EMX1: variants seen among roughly 807,000 people sequenced by gnomAD.
EMX1 encodes the protein homeobox protein EMX1.
EMX1 carries 10 observed loss-of-function variants against 20.1 expected under a neutral mutation model. The ratio of observed to expected loss-of-function variants is 0.50; its 90% CI spans 0.31 to 0.84. EMX1 has a LOEUF of 0.84. Ranked by LOEUF, EMX1 falls within the 40% of genes least tolerant of loss-of-function variation. EMX1 has a pLI of 0.05. For missense variants in EMX1, 424 were observed against 431.9 expected, an observed-to-expected ratio of 0.98 and a Z score of 0.16; for synonymous variants, 250 against 200.4, an observed-to-expected ratio of 1.25 and a Z score of -2.09.
At position 72,934,201 on chromosome 2, in the gene EMX1, G is replaced by A. The variant is rs372544617; in HGVS notation, c.*247G>A. The A allele has an allele frequency of 3.3e-5, 17 of 522,340 alleles. No individual in the cohort carries two copies. The highest frequency in any genetic ancestry group is 1.7e-4 in the African/African-American group (9 of 51,792). 32.4% of individuals were successfully genotyped at this position (522,340 alleles called of 1,614,324 possible). On this transcript the variant is annotated 3_prime_UTR_variant, in exon 3 of 3. Transcript: ENST00000258106. ...TGCCTGGGCGGGCCCGCCCGCCACC[G>A]CAGCCTCCCAGCTGCTCTCCGTGTC...
intron 2 of EMX1, chr2:72,933,409 T>A (rs577194875): frequency 1.1e-4 from 22 of 208,736 alleles, no homozygotes; most frequent in African/African-American, 5.1e-4. Context: ...AAGAAGCGAT[T>A]ATGATCTCTC....
chr2:72,926,033 T>C (rs886733428), intron 2 of EMX1: 1 of 985,324 alleles, frequency 1.0e-6, no homozygotes, highest in African/African-American at 1.7e-5. Context: ...AAATTATTGT[T>C]TGAAACAAGG....
intron 2 of EMX1, among the ~76,000 whole-genome samples, chr2:72,931,623 G>C (rs1671287435): frequency 6.6e-6 from 1 of 152,244 alleles, no homozygotes; most frequent in South Asian, 2.1e-4. Flanking sequence ...CCCAAAGATA[G>C]GTGGGCTTGG....
chr2:72,924,205 G>A (rs1236752280), intron 1 of EMX1, 104 bp from the exon 2 acceptor site: 7 of 1,406,812 alleles, frequency 5.0e-6, no homozygotes, highest in Admixed American at 4.0e-5. Context: ...AGGGCAGGGC[G>A]CTTGGGAGCA....
At chr2:72,924,966 C>T (rs1671170009) in intron 2 of EMX1, among the ~76,000 whole-genome samples, 1 of 152,234 alleles carries the variant, frequency 6.6e-6, no homozygotes, top group South Asian at 2.1e-4. Flanking sequence ...GCAAAACTGG[C>T]GGGGCCTTGG....
intron 2 of EMX1, chr2:72,925,662 C>G: frequency 8.6e-7 from 1 of 1,164,202 alleles, no homozygotes; most frequent in African/African-American, 1.6e-5. Context: ...TGAGAAGATG[C>G]CCGGCATGGG....
chr2:72,916,939 C>T (rs1220394819), upstream of EMX1: 2 of 717,244 alleles, frequency 2.8e-6, no homozygotes, highest in Non-Finnish European at 2.6e-6. Context: ...CGCAGTGCCC[C>T]GCCTGGCCCC....
chr2:72,929,695 C>T (rs993560568), intron 2 of EMX1, among the ~76,000 whole-genome samples: 1 of 152,202 alleles, frequency 6.6e-6, no homozygotes, highest in East Asian at 1.9e-4. Context: ...ATCCAGACCT[C>T]GTTCATTCAG....
intron 2 of EMX1, among the ~76,000 whole-genome samples, chr2:72,928,924 C>T (rs961748515): frequency 6.6e-6 from 1 of 152,034 alleles, no homozygotes; most frequent in African/African-American, 2.4e-5. Context: ...TTGAGGCAGG[C>T]AGATGAAGAT....
Position 72,930,067 on chromosome 2 carries a change from T to C in EMX1, c.706-3720T>C, listed in dbSNP as rs993424726. Among the ~76,000 whole-genome samples the C allele has an allele frequency of 2.0e-5, 3 of 152,236 alleles. No individual in the cohort carries two copies. The highest frequency in any genetic ancestry group is 2.9e-5 in the Non-Finnish European group (2 of 68,042). On this transcript the variant is annotated intron_variant, in intron 2 of 2. Coordinates refer to ENST00000258106, the MANE Select transcript of EMX1 (RefSeq NM_004097.3). The surrounding 1 kb of genome is among the most constrained non-coding windows in gnomAD (Gnocchi z 4.4). Reference sequence around the variant, plus strand: ...CAGTTTCTCCATCATTGAGCACTTCTCAAAGCCTTTGCTGATTAGAATTCT... The same window carrying C: ...CAGTTTCTCCATCATTGAGCACTTCCCAAAGCCTTTGCTGATTAGAATTCT...
intron 1 of EMX1, among the ~76,000 whole-genome samples, chr2:72,922,544 C>T (rs1437607833): frequency 1.3e-5 from 2 of 152,326 alleles, no homozygotes; most frequent in South Asian, 4.1e-4. Context: ...TTTGTGGCTG[C>T]ACAGATCCAA....
Position 72,924,351 on chromosome 2 carries a change from T to A in EMX1, c.563T>A (p.Phe188Tyr). The A allele has an allele frequency of 6.3e-7, 1 of 1,584,864 alleles. No individual in the cohort carries two copies. Among genetic ancestry groups the A allele is most frequent in the Non-Finnish European group, 8.5e-7 (1 of 1,172,050 alleles). ...GACGGGCTGCTTCTGCACGGCCCCTTCGCACGCAAGCCCAAGCGGATCCGC... is the reference window on the plus strand; with the variant it reads ...GACGGGCTGCTTCTGCACGGCCCCTACGCACGCAAGCCCAAGCGGATCCGC... ...PQDGLLLHGP[F>Y]ARKPKRIRTA... Residue 188 changes from phenylalanine (F) to tyrosine (Y), a missense_variant, in exon 2 of 3, where the codon TTC becomes TAC. Transcript: ENST00000258106.
At chr2:72,931,293 C>T (rs1671275922) in intron 2 of EMX1, among the ~76,000 whole-genome samples, 1 of 152,242 alleles carries the variant, frequency 6.6e-6, no homozygotes, top group Non-Finnish European at 1.5e-5. Flanking sequence ...GGGCCCGTCC[C>T]ACTACAGGCC....
intron 2 of EMX1, among the ~76,000 whole-genome samples, chr2:72,928,048 C>T (rs991883395): frequency 6.6e-6 from 1 of 152,246 alleles, no homozygotes; most frequent in Non-Finnish European, 1.5e-5. Flanking sequence ...GAAGTCTGTG[C>T]ACTCCCCAAG....
chr2:72,931,287 C>T (rs1160170477), intron 2 of EMX1, among the ~76,000 whole-genome samples: 1 of 152,206 alleles, frequency 6.6e-6, no homozygotes, highest in Non-Finnish European at 1.5e-5. Flanking sequence ...CATGCTGGGC[C>T]CGTCCCACTA....
At position 72,924,436 on chromosome 2, in the gene EMX1, C is replaced by T. The variant is rs1444924373; in HGVS notation, c.648C>T (p.Tyr216=). ...RLERAFEKNH[Y]VVGAERKQLA... is the part of the protein sequence containing the mutation. ...AGCGCGCCTTCGAGAAGAACCACTA[C>T]GTGGTGGGCGCCGAGCGGAAGCAGC... Residue 216 remains tyrosine (Y), a synonymous_variant, in exon 2 of 3, where the codon TAC becomes TAT. Coordinates refer to ENST00000258106, the MANE Select transcript of EMX1 (RefSeq NM_004097.3). The T allele has an allele frequency of 3.1e-6, 5 of 1,597,556 alleles. No individual in the cohort carries two copies. Among genetic ancestry groups the T allele is most frequent in the Middle Eastern group, 1.8e-4 (1 of 5,584 alleles).
intron 1 of EMX1, 31 bp downstream of exon 1, chr2:72,918,403 GC>G: frequency 7.3e-7 from 1 of 1,361,404 alleles, no homozygotes; most frequent in Non-Finnish European, 9.4e-7. Flanking sequence ...CGCCGAGGCG[GC>G]CGGCCGGCGC....
At chr2:72,918,820 G>A (rs1283832511) in intron 1 of EMX1, among the ~76,000 whole-genome samples, 2 of 152,212 alleles carry the variant, frequency 1.3e-5, no homozygotes, top group Admixed American at 6.5e-5. Context: ...CCGGGCGGGG[G>A]AAAGTCCATT....
intron 2 of EMX1, among the ~76,000 whole-genome samples, chr2:72,928,942 C>A (rs954904789): frequency 6.6e-6 from 1 of 152,054 alleles, no homozygotes; most frequent in Non-Finnish European, 1.5e-5. Context: ...GATAGAGCCA[C>A]CATCTTGGAG....
Sources: gnomAD v4.1 joint callset for allele counts (sites outside exome capture counted in the v4.1 genomes callset) on GRCh38, gnomAD v4.1.1 for gene constraint, Gnocchi (gnomAD v3.1) non-coding constraint, MANE v1.5 for transcripts, NCBI Gene and HGNC (gene_info 2026-07-23, HGNC 2026-07-21) for gene names.